Variants in PAK3 observed in about 807,000 individuals in gnomAD.
The protein encoded by PAK3 is serine/threonine-protein kinase PAK 3.
Under a neutral mutation model 41.0 loss-of-function variants are expected in PAK3, and 4 were observed. That is an observed-to-expected ratio of 0.10 (90% CI 0.05 to 0.22). PAK3 has a LOEUF of 0.22. PAK3 is among the 10% of genes least tolerant of loss of function. The probability of loss-of-function intolerance (pLI) is 1.00; values close to 1 mark genes in which losing one functional copy is unlikely to be tolerated. For synonymous variants in PAK3, 146 were observed against 139.6 expected (o/e 1.05, Z -0.32); for missense variants, 205 against 409.9 (o/e 0.50, Z 4.32).
At chrX:111,109,433 A>G (rs186175161) in intron 4 of PAK3, among the ~76,000 whole-genome samples, 1 of 111,764 alleles carries the variant, frequency 8.9e-6, no homozygotes, top group African/African-American at 3.3e-5. Flanking sequence ...GCCACAAGCT[A>G]GGTGTCAGTA....
chrX:111,008,778 T>A (rs1156577463), intron 1 of PAK3, among the ~76,000 whole-genome samples: 1 of 111,921 alleles, frequency 8.9e-6, no homozygotes, highest in Non-Finnish European at 1.9e-5. Flanking sequence ...TAATAAGGGT[T>A]GAGTGTTTTA....
intron 11 of PAK3, among the ~76,000 whole-genome samples, chrX:111,191,183 C>T (rs904709517): frequency 8.1e-5 from 9 of 111,721 alleles, no homozygotes; most frequent in Non-Finnish European, 1.3e-4. Context: ...ACTGCAACCT[C>T]GACCTCCTGG....
chrX:111,167,042 ATAAGT>A (rs2094265865), intron 10 of PAK3, among the ~76,000 whole-genome samples: 1 of 112,000 alleles, frequency 8.9e-6, no homozygotes, highest in Non-Finnish European at 1.9e-5. Context: ...TGAGGACTAA[ATAAGT>A]TAAAGTATAT....
intron 4 of PAK3, among the ~76,000 whole-genome samples, chrX:111,107,755 G>A (rs1186162752): frequency 8.9e-6 from 1 of 111,983 alleles, no homozygotes; most frequent in Non-Finnish European, 1.9e-5. Context: ...TTGATAGCAA[G>A]AACTATATTA....
chrX:110,961,479 T>A (rs1361951311), intron 1 of PAK3, among the ~76,000 whole-genome samples: 2 of 111,842 alleles, frequency 1.8e-5, no homozygotes, highest in African/African-American at 6.5e-5. Context: ...CCCAAGCTCC[T>A]GCCCTTCTAC....
intron 5 of PAK3, among the ~76,000 whole-genome samples, chrX:111,128,937 G>C (rs1603278025): frequency 1.8e-5 from 2 of 111,565 alleles, no homozygotes. Flanking sequence ...TTAAACAGCT[G>C]AAGTTCTAAG....
rs192072345 is a variant in PAK3, at chrX:111,020,400, G to C, written c.-28+75772G>C. Among the ~76,000 whole-genome samples, 335 of 111,561 alleles carry C rather than the reference G, an allele frequency of 3.0e-3. 2 individuals carry two copies. The highest frequency in any genetic ancestry group is 0.01 in the African/African-American group (312 of 30,689). ...GGTGGTTTCCAGGAGCTGAGAGGAGGGGAGAATGGGGAATTGTTGGTTATT... is the reference window on the plus strand; with the variant it reads ...GGTGGTTTCCAGGAGCTGAGAGGAGCGGAGAATGGGGAATTGTTGGTTATT... On this transcript the variant is annotated intron_variant, in intron 1 of 14. Transcript: ENST00000425146.
intron 3 of PAK3, among the ~76,000 whole-genome samples, chrX:111,102,362 C>T (rs2093158033): frequency 8.9e-6 from 1 of 112,020 alleles, no homozygotes; most frequent in Admixed American, 9.4e-5. Flanking sequence ...CTGGGGAGTA[C>T]TGTGGAAGAC....
intron 1 of PAK3, among the ~76,000 whole-genome samples, chrX:111,038,317 C>G (rs2092420233): frequency 8.9e-6 from 1 of 112,245 alleles, no homozygotes; most frequent in Non-Finnish European, 1.9e-5. Context: ...CACCCTGTGA[C>G]TTTGGAGAAG....
intron 7 of PAK3, among the ~76,000 whole-genome samples, chrX:111,149,506 C>A (rs2093996922): frequency 8.9e-6 from 1 of 112,177 alleles, no homozygotes; most frequent in Non-Finnish European, 1.9e-5. Context: ...GCCTGAGCAT[C>A]CAGGCATTTC....
chrX:111,163,443 CT>C (rs1295467485), intron 9 of PAK3, 118 bp from the exon 10 acceptor site: 11,048 of 360,746 alleles, frequency 0.031, no homozygotes, highest in Middle Eastern at 0.044. Flanking sequence ...ACTCAAAGTC[CT>C]TTTTTTTTTT....
intron 4 of PAK3, among the ~76,000 whole-genome samples, chrX:111,107,083 A>T (rs777334589): frequency 8.9e-6 from 1 of 112,175 alleles, no homozygotes; most frequent in African/African-American, 3.2e-5. Context: ...AGTGAAAGGA[A>T]GATGAAGGAT....
chrX:110,958,626 A>T (rs1053390639), intron 1 of PAK3, among the ~76,000 whole-genome samples: 2 of 112,112 alleles, frequency 1.8e-5, no homozygotes, highest in Admixed American at 1.9e-4. Context: ...CCATTTATGG[A>T]CATGGGGAAG....
intron 1 of PAK3, among the ~76,000 whole-genome samples, chrX:111,001,574 A>T (rs1342285917): frequency 8.9e-6 from 1 of 112,202 alleles, no homozygotes; most frequent in Non-Finnish European, 1.9e-5. Flanking sequence ...GAAATGATGA[A>T]AAATCCAGAA....
chrX:111,164,043 C>T (rs777623080), intron 10 of PAK3, among the ~76,000 whole-genome samples: 83 of 111,498 alleles, frequency 7.4e-4, no homozygotes, highest in Admixed American at 5.5e-3. Flanking sequence ...TGATCATAAC[C>T]CAAGGGCTCT....
In PAK3 at chrX:111,172,320, TTA is replaced by T. The variant is rs1054083562; in HGVS notation, c.767-696_767-695del. ...TTTTATTGTATATTTTCCAGAATGT[TTA>T]TGAGCCTGAGCACATTTTTGTATTT... On this transcript the variant is annotated intron_variant, in intron 10 of 17. Coordinates refer to ENST00000372007, the MANE Select transcript of PAK3 (RefSeq NM_002578.5). 2.7e-5 allele frequency among the ~76,000 whole-genome samples: 3 copies of T among 111,947 alleles called. No homozygotes were observed. The Admixed American group carries it at 2.8e-4, about 11-fold the overall frequency.
At chrX:111,176,236 A>G (rs1019834918) in intron 11 of PAK3, among the ~76,000 whole-genome samples, 1 of 110,725 alleles carries the variant, frequency 9.0e-6, no homozygotes, top group Non-Finnish European at 1.9e-5. Context: ...AGCTAATGAA[A>G]ATGTTTGTCT....
intron 1 of PAK3, among the ~76,000 whole-genome samples, chrX:110,954,288 T>G (rs1455919025): frequency 8.9e-6 from 1 of 112,368 alleles, no homozygotes; most frequent in African/African-American, 3.2e-5. Context: ...TATATATAGC[T>G]CCCATTTATT....
At chrX:111,079,662 T>C (rs1233181616) in intron 1 of PAK3, among the ~76,000 whole-genome samples, 1 of 112,525 alleles carries the variant, frequency 8.9e-6, no homozygotes, top group East Asian at 2.8e-4. Context: ...TTTCAAGTCT[T>C]ACTGTTTAAG....
Sources: gnomAD v4.1 joint callset for allele counts (sites outside exome capture counted in the v4.1 genomes callset) on GRCh38, gnomAD v4.1.1 for gene constraint, MANE v1.5 for transcripts, NCBI Gene and HGNC (gene_info 2026-07-23, HGNC 2026-07-21) for gene names.